CSMD1: variants seen among roughly 807,000 people sequenced by gnomAD.
The protein encoded by CSMD1 is CUB and Sushi multiple domains 1.
A neutral mutation model predicts 417.5 loss-of-function variants in CSMD1; 213 were observed. That is an observed-to-expected ratio of 0.51 (90% CI 0.46 to 0.57). CSMD1 has a LOEUF of 0.57. Among genes scored for constraint, CSMD1 ranks in the 20% least tolerant of loss-of-function variants. The pLI is 0.00. For missense variants in CSMD1, 6,923 were observed against 4,529.7 expected (o/e 1.53, Z -15.17); for synonymous variants, 2,862 against 1,736.8 (o/e 1.65, Z -16.11).
At chr8:4,838,069 A>C (rs1413711676) in intron 1 of CSMD1, among the ~76,000 whole-genome samples, 1 of 152,190 alleles carries the variant, frequency 6.6e-6, no homozygotes, top group African/African-American at 2.4e-5. Context: ...AGGAAGGGAC[A>C]TAGTGGATTT....
At chr8:3,425,104 C>T (rs560893729) in intron 12 of CSMD1, among the ~76,000 whole-genome samples, 13 of 152,272 alleles carry the variant, frequency 8.5e-5, no homozygotes, top group East Asian at 1.9e-4. Flanking sequence ...CATCCCAAAG[C>T]GCCACCATGC....
At chr8:3,765,388 C>T (rs1446697707) in intron 5 of CSMD1, among the ~76,000 whole-genome samples, 2 of 152,168 alleles carry the variant, frequency 1.3e-5, no homozygotes, top group Non-Finnish European at 2.9e-5. Flanking sequence ...GACTTAACCA[C>T]TCCTACCTTT....
chr8:4,476,051 G>C lies in CSMD1; in HGVS notation c.303-55986C>G, dbSNP rs544892215. 1.1e-3 allele frequency among the ~76,000 whole-genome samples: 165 copies of C among 151,856 alleles called. 3 individuals are homozygous for C. Among genetic ancestry groups the C allele is most frequent in the African/African-American group, 3.9e-3 (160 of 41,444 alleles). On this transcript the variant is annotated intron_variant, in intron 2 of 69. Coordinates refer to ENST00000635120, the MANE Select transcript of CSMD1 (RefSeq NM_033225.6). The stretch of plus-strand genomic sequence containing the variant: ...CAATGTATTATTTAGAAAATTTCTG[G>C]TTAAGACAGTGTGATTTTTTCAATT...
intron 3 of CSMD1, among the ~76,000 whole-genome samples, chr8:4,271,049 T>C (rs1804559682): frequency 6.6e-6 from 1 of 152,196 alleles, no homozygotes; most frequent in African/African-American, 2.4e-5. Flanking sequence ...AAAGATTTCC[T>C]AGAAGAGCTG....
intron 10 of CSMD1, among the ~76,000 whole-genome samples, chr8:3,546,023 C>T (rs968576540): frequency 5.9e-5 from 9 of 152,204 alleles, no homozygotes; most frequent in Non-Finnish European, 1.2e-4. Context: ...AGAAAGATTT[C>T]TCTAATAAAC....
In CSMD1 at chr8:3,718,172, G is replaced by C. The variant is rs1037368201; in HGVS notation, c.932-9681C>G. ...TATTGTCTCATGGTCTGTACATTACGAGAAGCGAGTTGTTAGTACAATAAC... is the reference window on the plus strand; with the variant it reads ...TATTGTCTCATGGTCTGTACATTACCAGAAGCGAGTTGTTAGTACAATAAC... On this transcript the variant is annotated intron_variant, in intron 6 of 69. Transcript: ENST00000635120. Among the ~76,000 whole-genome samples, 4 of 152,142 alleles carry C rather than the reference G, an allele frequency of 2.6e-5. No homozygotes were observed. The South Asian group carries it at 8.3e-4, about 32-fold the overall frequency.
intron 7 of CSMD1, among the ~76,000 whole-genome samples, chr8:3,671,739 C>T (rs1799079831): frequency 6.6e-6 from 1 of 151,786 alleles, no homozygotes; most frequent in Admixed American, 6.6e-5. Flanking sequence ...GGCAGGCTGC[C>T]TGGGACACAA....
intron 8 of CSMD1, among the ~76,000 whole-genome samples, chr8:3,596,763 T>G (rs1216950169): frequency 1.3e-5 from 2 of 151,928 alleles, no homozygotes; most frequent in East Asian, 3.9e-4. Flanking sequence ...CTGCTATAAT[T>G]CAGGGCACAC....
chr8:3,806,350 A>T (rs1800741308), intron 5 of CSMD1, among the ~76,000 whole-genome samples: 1 of 152,182 alleles, frequency 6.6e-6, no homozygotes, highest in Non-Finnish European at 1.5e-5. Flanking sequence ...AGTATATAGA[A>T]ATGAAAATAA....
chr8:4,991,571 C>A (rs549421266), intron 1 of CSMD1, among the ~76,000 whole-genome samples: 2 of 152,244 alleles, frequency 1.3e-5, no homozygotes, highest in African/African-American at 2.4e-5. Flanking sequence ...CAGCTGCCCA[C>A]GGCAGTGGCC....
chr8:4,414,547 C>T (rs192295882), intron 3 of CSMD1, among the ~76,000 whole-genome samples: 39 of 152,174 alleles, frequency 2.6e-4, no homozygotes, highest in East Asian at 5.8e-4. Context: ...TAATAAACTA[C>T]GATCCATACT....
intron 1 of CSMD1, among the ~76,000 whole-genome samples, chr8:4,943,288 G>C (rs1038516933): frequency 6.6e-6 from 1 of 152,092 alleles, no homozygotes; most frequent in Admixed American, 6.5e-5. Flanking sequence ...GAGGTCAGGA[G>C]ATCAAGATCG....
chr8:4,074,780 C>T (rs546018048), intron 3 of CSMD1, among the ~76,000 whole-genome samples: 1 of 151,924 alleles, frequency 6.6e-6, no homozygotes, highest in Non-Finnish European at 1.5e-5. Flanking sequence ...CAAAGTAGTT[C>T]TCTTTAGTTA....
At position 4,853,612 on chromosome 8, in the gene CSMD1, G is replaced by T. The variant is rs76563738; in HGVS notation, c.85+140720C>A. ...ATATTTGAATAGGGCAGTGCCAAAG[G>T]GAAATGTGGCATTGGAACCCCATGG... On this transcript the variant is annotated intron_variant, in intron 1 of 69. Transcript: ENST00000635120. Among the ~76,000 whole-genome samples, 1,454 of 152,296 alleles carry T rather than the reference G, an allele frequency of 9.5e-3. 27 individuals are homozygous for T. The highest frequency in any genetic ancestry group is 0.033 in the African/African-American group (1,388 of 41,566).
chr8:4,809,295 C>A (rs900629268), intron 1 of CSMD1, among the ~76,000 whole-genome samples: 1 of 152,132 alleles, frequency 6.6e-6, no homozygotes, highest in African/African-American at 2.4e-5. Flanking sequence ...ATGTGTTATA[C>A]ATATTAATAA....
At chr8:4,670,601 G>C (rs1175612834) in intron 1 of CSMD1, among the ~76,000 whole-genome samples, 1 of 152,128 alleles carries the variant, frequency 6.6e-6, no homozygotes, top group Non-Finnish European at 1.5e-5. Context: ...AGGCAGTTCT[G>C]TATGACATGC....
At chr8:4,605,039 C>T (rs1800792844) in intron 2 of CSMD1, among the ~76,000 whole-genome samples, 1 of 152,184 alleles carries the variant, frequency 6.6e-6, no homozygotes, top group Admixed American at 6.5e-5. Flanking sequence ...ATATCTGTGG[C>T]TGGCCACCAA....
Position 4,659,483 on chromosome 8 carries a change from G to T in CSMD1, c.86-21925C>A, listed in dbSNP as rs145847186. Among the ~76,000 whole-genome samples the T allele has an allele frequency of 1.4e-4, 22 of 152,258 alleles. No homozygotes were observed. The East Asian group carries it at 4.1e-3, about 28-fold the overall frequency. On this transcript the variant is annotated intron_variant, in intron 1 of 69. Transcript: ENST00000635120. ...CACAAATGAAGGAAGTACTGACACA[G>T]GCTGCACCATGGATGAACCTTGAAA...
intron 2 of CSMD1, among the ~76,000 whole-genome samples, chr8:4,541,447 G>T (rs959992622): frequency 1.3e-5 from 2 of 152,148 alleles, no homozygotes; most frequent in Admixed American, 1.3e-4. Flanking sequence ...GGATCAAGGT[G>T]TCCCACGTTA....
Sources: allele counts gnomAD v4.1 joint callset (sites outside exome capture counted in the v4.1 genomes callset), GRCh38; gene constraint gnomAD v4.1.1; transcripts MANE v1.5; gene names NCBI Gene and HGNC (gene_info 2026-07-23, HGNC 2026-07-21).